Variants in RIF1 observed in about 807,000 individuals in gnomAD.
The protein encoded by RIF1 is replication timing regulatory factor 1, also known as telomere-associated protein RIF1.
In RIF1, 45 loss-of-function variants were observed where a neutral mutation model predicts 247.1. That is an observed-to-expected ratio of 0.18 (90% confidence interval 0.14 to 0.23). The LOEUF (loss-of-function observed/expected upper bound fraction) is 0.23, where lower values mean the gene tolerates loss of function less well. RIF1 is among the 10% of genes least tolerant of loss of function. RIF1 has a pLI of 1.00. For synonymous variants in RIF1, 1,087 were observed against 978.8 expected (o/e 1.11, Z -2.06); for missense variants, 2,967 against 2,862.5 (o/e 1.04, Z -0.83).
intron 11 of RIF1, among the ~76,000 whole-genome samples, chr2:151,499,833 T>C (rs879379069): frequency 6.6e-6 from 1 of 152,178 alleles, no homozygotes; most frequent in African/African-American, 2.4e-5. Context: ...TTCAAGTTGT[T>C]GTAGAGATGG....
At position 151,464,593 on chromosome 2, in the gene RIF1, T is replaced by C. The variant is rs780960602; in HGVS notation, c.5073T>C (p.Asn1691=). The change falls in exon 30 of 36, where the codon AAT becomes AAC. Residue 1691 remains asparagine, a synonymous_variant. Transcript: ENST00000444746. ...TACATAAGCGAGACTCTTTTGATAA[T>C]TGTAGTTTGGGAGAATCCTCAAAAA... is the stretch of plus-strand genomic sequence containing the variant. ...KRLHKRDSFD[N]CSLGESSKIG... 1.2e-6 allele frequency: 2 copies of C among 1,613,598 alleles called. No homozygotes were observed. The highest frequency in any genetic ancestry group is 1.7e-6 in the Non-Finnish European group (2 of 1,179,674).
chr2:151,438,726 T>G lies in RIF1; in HGVS notation c.1526T>G (p.Val509Gly). The change falls in exon 14 of 36, where the codon GTG (valine) becomes GGG (glycine). Residue 509 changes from valine to glycine, a missense_variant. Physicochemically the swap from Val to Gly is moderately radical, Grantham distance 109. Transcript: ENST00000444746. ...SAIWKELISL[V>G]KSVTESGNKK... ...ATCTGGAAGGAGCTAATTAGCTTGG[T>G]GAAGTCAGTTACTGAATCAGGTAAG... The G allele has an allele frequency of 1.2e-6, 2 of 1,611,900 alleles. No individual in the cohort carries two copies. Among genetic ancestry groups the G allele is most frequent in the Non-Finnish European group, 1.7e-6 (2 of 1,177,980 alleles).
chr2:151,454,764 G>T (rs1694918476), intron 21 of RIF1, 131 bp from the exon 22 acceptor site: 1 of 597,944 alleles, frequency 1.7e-6, no homozygotes. Flanking sequence ...TTTGTTTGGG[G>T]TGTCAGTCAG....
the RIF1 span, chr2:151,527,115 A>C: frequency 1.3e-6 from 1 of 784,272 alleles, no homozygotes; most frequent in Non-Finnish European, 2.1e-6. Context: ...CCTCTTAAGG[A>C]GAGGACAAAG....
intron 13 of RIF1, chr2:151,507,075 C>T: frequency 9.5e-7 from 1 of 1,047,704 alleles, no homozygotes. Flanking sequence ...CTTTATTTGT[C>T]CTATATTATG....
At position 151,481,163 on chromosome 2, in the gene RIF1, A is replaced by G. The variant is rs1480830255; in HGVS notation, c.*6092A>G. The G allele has an allele frequency of 2.0e-5, 3 of 152,188 alleles. No individual in the cohort carries two copies. The highest frequency in any genetic ancestry group is 2.1e-4 in the South Asian group (1 of 4,830). The allele number at this position is 152,188 out of a possible 1,614,324, so 9.4% of individuals were successfully genotyped here. A position where few individuals can be genotyped will look rare whatever the true frequency, so the allele number is the denominator to read the frequency against. On this transcript the variant is annotated 3_prime_UTR_variant, in exon 36 of 36. Transcript: ENST00000444746. ...GCCTGGCCTTTTAAAGAGTTTGTCA[A>G]TCCCTTTTATGGAGGAAGGTTTTGC...
At chr2:151,487,151 T>C (rs2051345015), downstream of RIF1, among the ~76,000 whole-genome samples, 1 of 152,196 alleles carries the variant, frequency 6.6e-6, no homozygotes, top group Non-Finnish European at 1.5e-5. Context: ...GTCAGTCTTG[T>C]ATTTTAGAGA....
At chr2:151,474,433 C>T (rs1266671988) in intron 35 of RIF1, among the ~76,000 whole-genome samples, 1 of 152,202 alleles carries the variant, frequency 6.6e-6, no homozygotes, top group Non-Finnish European at 1.5e-5. Flanking sequence ...AATCCCAGCA[C>T]TTTGGGAGGC....
downstream of RIF1, among the ~76,000 whole-genome samples, chr2:151,508,964 C>A (rs1474597097): frequency 6.6e-6 from 1 of 152,210 alleles, no homozygotes; most frequent in Non-Finnish European, 1.5e-5. Context: ...ACTGTCCTTT[C>A]ACTTTTCTCT....
chr2:151,494,091 G>A, intron 9 of RIF1: 1 of 1,307,272 alleles, frequency 7.6e-7, no homozygotes, highest in Non-Finnish European at 1.1e-6. Context: ...CTGGGACAGG[G>A]TTAGGAGCAG....
chr2:151,508,522 AAG>A (rs1391003071), downstream of RIF1, among the ~76,000 whole-genome samples: 4 of 152,168 alleles, frequency 2.6e-5, no homozygotes, highest in African/African-American at 9.7e-5. Flanking sequence ...CTGGAGGGTT[AAG>A]AGTCAAAGAC....
chr2:151,468,178 GT>G, intron 31 of RIF1, 32 bp downstream of exon 31: 1 of 1,546,504 alleles, frequency 6.5e-7, no homozygotes, highest in Non-Finnish European at 8.8e-7. Flanking sequence ...ATACATATAT[GT>G]ATACCGACAC....
chr2:151,437,107 A>T, intron 12 of RIF1, 104 bp downstream of exon 12: 1 of 1,199,904 alleles, frequency 8.3e-7, no homozygotes, highest in Non-Finnish European at 1.2e-6. Context: ...AATATTTTAC[A>T]GTTGTGTATG....
intron 11 of RIF1, among the ~76,000 whole-genome samples, chr2:151,500,593 CTTTTTTTTTTTT>C (rs11428843): frequency 8.4e-6 from 1 of 118,458 alleles, no homozygotes; most frequent in Non-Finnish European, 1.7e-5. Context: ...TTCTTTCTTC[CTTTTTTTTTTTT>C]TTTTTTTTGA....
intron 10 of RIF1, chr2:151,497,253 G>T (rs1214314288): frequency 1.1e-6 from 1 of 877,902 alleles, no homozygotes; most frequent in African/African-American, 1.8e-5. Context: ...TCAGCTGCTG[G>T]GGAAAGGCTG....
intron 10 of RIF1, among the ~76,000 whole-genome samples, chr2:151,499,146 A>G (rs2062538875): frequency 6.6e-6 from 1 of 152,196 alleles, no homozygotes; most frequent in African/African-American, 2.4e-5. Context: ...CAAAATGGGG[A>G]AAACTGATTC....
intron 6 of RIF1, among the ~76,000 whole-genome samples, chr2:151,418,198 C>T (rs1444797309): frequency 6.6e-6 from 1 of 152,122 alleles, no homozygotes; most frequent in Non-Finnish European, 1.5e-5. Context: ...ATAAATTAAC[C>T]TCTACTTTCT....
Position 151,436,894 on chromosome 2 carries a change from G to A in RIF1, c.1263G>A (p.Met421Ile). The stretch of plus-strand genomic sequence containing the variant: ...ACCTGAGTTCGAATTTAGGTGGAAT[G>A]GCCACAATCCCATCCATTCAACTTT... The part of the protein sequence containing the change: ...RMNLSSNLGG[M>I]ATIPSIQLLG... Residue 421 changes from methionine (M) to isoleucine (I), a missense_variant, in exon 12 of 36, where the codon ATG (methionine) becomes ATA (isoleucine). Physicochemically the swap from Met to Ile is conservative, Grantham distance 10. Around this residue, in one of 7 missense-constraint regions of RIF1, gnomAD observed 369 missense variants for 322.0 expected, o/e 1.15. Coordinates refer to ENST00000444746, the MANE Select transcript of RIF1 (RefSeq NM_018151.5). The A allele has an allele frequency of 3.7e-6, 6 of 1,613,612 alleles. No individual in the cohort carries two copies. The highest frequency in any genetic ancestry group is 5.1e-6 in the Non-Finnish European group (6 of 1,179,776).
chr2:151,485,243 T>C (rs975159985), downstream of RIF1: 1 of 152,242 alleles, frequency 6.6e-6, no homozygotes, highest in Non-Finnish European at 1.5e-5. Flanking sequence ...ATTTAGATAA[T>C]TTTTTAGTAA....
Sources: allele counts gnomAD v4.1 joint callset (sites outside exome capture counted in the v4.1 genomes callset), GRCh38; gene constraint gnomAD v4.1.1; regional missense constraint gnomAD v4.1.1; transcripts MANE v1.5; gene names NCBI Gene and HGNC (gene_info 2026-07-23, HGNC 2026-07-21).